L3MBTL1: variants seen among roughly 807,000 people sequenced by gnomAD.
The protein encoded by L3MBTL1 is L3MBTL histone methyl-lysine binding protein 1.
A neutral mutation model predicts 105.3 loss-of-function variants in L3MBTL1; 75 were observed. The ratio of observed to expected loss-of-function variants is 0.71; its 90% CI spans 0.59 to 0.86. L3MBTL1 has a LOEUF of 0.86. Ranked by LOEUF, L3MBTL1 falls within the 40% of genes least tolerant of loss-of-function variation. L3MBTL1 has a pLI of 0.00. For synonymous variants in L3MBTL1, 452 were observed against 436.2 expected (o/e 1.04, Z -0.45); for missense variants, 1,069 against 1,126.4 (o/e 0.95, Z 0.73).
intron 7 of L3MBTL1, among the ~76,000 whole-genome samples, chr20:43,520,631 T>C (rs1460690699): frequency 1.3e-5 from 2 of 152,250 alleles, no homozygotes; most frequent in Non-Finnish European, 2.9e-5. Flanking sequence ...TTGATTTGCA[T>C]TTCCCTGATG....
At chr20:43,524,657 G>A (rs1387165912) in intron 7 of L3MBTL1, among the ~76,000 whole-genome samples, 1 of 151,572 alleles carries the variant, frequency 6.6e-6, no homozygotes, top group African/African-American at 2.4e-5. Context: ...ACAAGCATTT[G>A]TTGTGCATCT....
At position 43,534,555 on chromosome 20, in the gene L3MBTL1, A is replaced by C. The variant is rs183325072; in HGVS notation, c.1710+161A>C. 4.9e-5 allele frequency: 32 copies of C among 648,400 alleles called. 1 individual carries two copies. The highest frequency in any genetic ancestry group is 2.7e-5 in the East Asian group (1 of 36,446). 40.2% of individuals were successfully genotyped at this position (648,400 alleles called of 1,614,324 possible). A position where few individuals can be genotyped will look rare whatever the true frequency, so the allele number is the denominator to read the frequency against. ...GTGACTTATTTTTGTGGGCTTGGAC[A>C]AGTCATTTTCCCTCTCTAAGCCTTA... On this transcript the variant is annotated intron_variant, in intron 15 of 21. Transcript: ENST00000418998.
At position 43,514,065 on chromosome 20, in the gene L3MBTL1, A is replaced by G. The variant is rs2018222489; in HGVS notation, c.360+4A>G. ...GCCCCCAGGGGGCGGCCTGCGGGTC[A>G]GTGTCTGTGGGGATTGGCTAAGCCT... On this transcript the variant is annotated splice_donor_region_variant and intron_variant, in intron 3 of 21. Transcript: ENST00000418998. The G allele has an allele frequency of 6.5e-7, 1 of 1,532,240 alleles. No homozygotes were observed. Among genetic ancestry groups the G allele is most frequent in the Non-Finnish European group, 8.7e-7 (1 of 1,145,258 alleles). 94.9% of individuals were successfully genotyped at this position (1,532,240 alleles called of 1,614,324 possible).
intron 4 of L3MBTL1, 46 bp downstream of exon 4, chr20:43,514,822 G>T: frequency 6.6e-7 from 1 of 1,503,814 alleles, no homozygotes. Flanking sequence ...CTGTGCGGGT[G>T]GGGCGAGGCC....
intron 7 of L3MBTL1, among the ~76,000 whole-genome samples, chr20:43,527,793 C>T (rs904474643): frequency 1.3e-5 from 2 of 151,772 alleles, no homozygotes; most frequent in African/African-American, 4.8e-5. Context: ...GTTCTCGGCT[C>T]ACTGCAGCCT....
chr20:43,527,723 T>C (rs981543122), intron 7 of L3MBTL1, among the ~76,000 whole-genome samples: 2 of 134,660 alleles, frequency 1.5e-5, no homozygotes, highest in Non-Finnish European at 3.2e-5. Context: ...AAAGTGTTTC[T>C]TTTTTTTTTT....
intron 17 of L3MBTL1, 33 bp downstream of exon 17, chr20:43,535,969 C>G (rs368727047): frequency 1.1e-5 from 17 of 1,595,048 alleles, no homozygotes; most frequent in Non-Finnish European, 1.5e-5. Flanking sequence ...AGACCCTCAG[C>G]GTTGTTTTGC....
rs775366251 is a variant in L3MBTL1 at position 43,515,166 on chromosome 20, G to T, written c.653+7G>T. 1 of 1,614,148 alleles carries T rather than the reference G, an allele frequency of 6.2e-7. No homozygotes were observed. On this transcript the variant is annotated splice_region_variant and intron_variant, in intron 5 of 21. Transcript: ENST00000418998. Reference sequence around the variant, plus strand: ...CTCAGCTGTTCCAGGAGCGGTAAGGGGAGGAGGTCGCAGCCCTACTTGCTC... The same window carrying T: ...CTCAGCTGTTCCAGGAGCGGTAAGGTGAGGAGGTCGCAGCCCTACTTGCTC...
At chr20:43,537,193 TC>T (rs1312043942) in intron 19 of L3MBTL1, among the ~76,000 whole-genome samples, 4 of 152,198 alleles carry the variant, frequency 2.6e-5, no homozygotes, top group Admixed American at 2.0e-4. Context: ...CACTTCTCAC[TC>T]CCCTTGCACT....
At position 43,536,194 on chromosome 20, in the gene L3MBTL1, C is replaced by T; in HGVS notation, c.2023C>T (p.Gln675Ter). Residue 675 changes from glutamine (Q) to a stop codon, truncating the protein, a stop_gained, in exon 18 of 22, where the codon CAG becomes TAG. Transcript: ENST00000418998. LOFTEE classifies it high-confidence loss of function. ...LSGCPLAERN[Q>*]SRLKAELSDS... ...AGGCTGCCCACTGGCTGAGAGGAAC[C>T]AGAGCCGGCTGAAAGCGGAGCTGTC... 1 of 1,613,376 alleles carries T rather than the reference C, an allele frequency of 6.2e-7. No individual in the cohort carries two copies. Among genetic ancestry groups the T allele is most frequent in the South Asian group, 1.1e-5 (1 of 91,030 alleles).
intron 1 of L3MBTL1, among the ~76,000 whole-genome samples, chr20:43,512,631 G>A (rs1467360819): frequency 6.6e-6 from 1 of 152,248 alleles, no homozygotes. Flanking sequence ...GTGTTGGACA[G>A]TTTAAGTATT....
chr20:43,536,412 T>G lies in L3MBTL1; in HGVS notation c.2127T>G (p.Ile709Met). Residue 709 changes from isoleucine to methionine, a missense_variant, in exon 19 of 22, where the codon ATT becomes ATG. Ile to Met is a conservative substitution (Grantham distance 10, BLOSUM62 1). Coordinates refer to ENST00000418998, the MANE Select transcript of L3MBTL1 (RefSeq NM_001377303.1). ...PRKKPRHHGR[I>M]GRPPKYRKIP... ...GACCTGGTCCGTCTTTCTCCAGAAT[T>G]GGACGCCCTCCGAAGTATCGAAAGA... 1 of 1,614,088 alleles carries G rather than the reference T, an allele frequency of 6.2e-7. No homozygotes were observed. The highest frequency in any genetic ancestry group is 8.5e-7 in the Non-Finnish European group (1 of 1,180,042).
At chr20:43,514,869 G>T (rs1197987265) in intron 4 of L3MBTL1, 93 bp downstream of exon 4, 3 of 1,459,018 alleles carry the variant, frequency 2.1e-6, no homozygotes, top group Non-Finnish European at 1.8e-6. Flanking sequence ...GCCCGGGGTG[G>T]TCCTGGGGTG....
At chr20:43,514,487 G>T (rs139826927) in intron 3 of L3MBTL1, 148 bp from the exon 4 acceptor site, 36 of 1,534,186 alleles carry the variant, frequency 2.3e-5, no homozygotes, top group Non-Finnish European at 2.9e-5. Context: ...GGCTGGTGTA[G>T]CTTGGAGTGA....
At chr20:43,508,536 A>G (rs1345158086) in intron 1 of L3MBTL1, among the ~76,000 whole-genome samples, 2 of 152,366 alleles carry the variant, frequency 1.3e-5, no homozygotes, top group African/African-American at 4.8e-5. Flanking sequence ...TCGTTTTTGT[A>G]TACAAGGCCT....
chr20:43,537,219 T>C (rs1163745316), intron 19 of L3MBTL1, among the ~76,000 whole-genome samples: 1 of 152,264 alleles, frequency 6.6e-6, no homozygotes, highest in Non-Finnish European at 1.5e-5. Context: ...TGCTTGCTGC[T>C]GTAACAAAAA....
In L3MBTL1 at chr20:43,529,291, G is replaced by A. The variant is rs1341356917; in HGVS notation, c.979G>A (p.Gly327Ser). The change falls in exon 9 of 22, where the codon GGC becomes AGC. Residue 327 changes from glycine to serine, a missense_variant. Physicochemically the swap from Gly to Ser is moderately conservative, Grantham distance 56. Transcript: ENST00000418998. ...CCAGGCAGTCACTCACAACAAGAAT[G>A]GCTTCAAACTGGGCATGAAGTTGGA... Reference protein sequence around the residue: ...DSQAVTHNKNGFKLGMKLEGI... With the variant: ...DSQAVTHNKNSFKLGMKLEGI... 13 of 1,612,710 alleles carry A rather than the reference G, an allele frequency of 8.1e-6. No individual in the cohort carries two copies. Among genetic ancestry groups the A allele is most frequent in the Non-Finnish European group, 1.0e-5 (12 of 1,179,456 alleles).
At chr20:43,515,508 G>A in intron 6 of L3MBTL1, 93 bp downstream of exon 6, 1 of 1,475,204 alleles carries the variant, frequency 6.8e-7, no homozygotes, top group South Asian at 1.3e-5. Flanking sequence ...ATGGAGCTGG[G>A]CCAGAGAAGA....
intron 7 of L3MBTL1, among the ~76,000 whole-genome samples, chr20:43,524,231 A>G (rs1404988446): frequency 1.3e-5 from 2 of 152,060 alleles, no homozygotes. Flanking sequence ...TTTAAATTTC[A>G]TTAATTTTAG....
Sources: allele counts gnomAD v4.1 joint callset (sites outside exome capture counted in the v4.1 genomes callset), GRCh38; gene constraint gnomAD v4.1.1; transcripts MANE v1.5; gene names NCBI Gene and HGNC (gene_info 2026-07-23, HGNC 2026-07-21).